Variants in SGO1 observed in about 807,000 individuals in gnomAD.
SGO1 encodes the protein shugoshin 1.
Under a neutral mutation model 50.5 loss-of-function variants are expected in SGO1, and 39 were observed. The observed-to-expected ratio is 0.77, with a 90% CI of 0.60 to 1.01. SGO1 has a LOEUF of 1.01. Among genes scored for constraint, SGO1 ranks in the 50% least tolerant of loss-of-function variants. SGO1 has a pLI of 0.00. For missense variants in SGO1, 638 were observed against 606.0 expected (o/e 1.05, Z -0.55); for synonymous variants, 191 against 205.1 (o/e 0.93, Z 0.59).
intron 6 of SGO1, 116 bp from the exon 7 acceptor site, chr3:20,171,348 AT>A (rs1304634874): frequency 6.0e-4 from 519 of 861,674 alleles, no homozygotes; most frequent in South Asian, 8.1e-4. Flanking sequence ...TAATAATAGA[AT>A]TTTTTTTTAG....
Position 20,186,124 on chromosome 3 carries a change from C to A in SGO1, c.-184G>T, listed in dbSNP as rs1702646831. 6.5e-6 allele frequency: 1 copy of A among 152,680 alleles called. No homozygotes were observed. Among genetic ancestry groups the A allele is most frequent in the Non-Finnish European group, 1.5e-5 (1 of 68,420 alleles). 9.5% of individuals were successfully genotyped at this position (152,680 alleles called of 1,614,324 possible). On this transcript the variant is annotated 5_prime_UTR_variant, in exon 1 of 8. Transcript: ENST00000412997. ...ACATTTCAAGGCTCTTCGAAGCTCT[C>A]CAGCCACGGCTAGCCCCGCGCACTG...
chr3:20,172,945 G>A lies in SGO1; in HGVS notation c.1282+1304C>T, dbSNP rs115462376. ...AGTGCCACTGCCCTCCAGCCGAGGT[G>A]ATAGAGCAAGACCCTGTCTCAATTA... On this transcript the variant is annotated intron_variant, in intron 6 of 7. Coordinates refer to ENST00000412997, the MANE Select transcript of SGO1 (RefSeq NM_001199251.3). 2.5e-3 allele frequency among the ~76,000 whole-genome samples: 380 copies of A among 152,152 alleles called. 1 individual carries two copies. The highest frequency in any genetic ancestry group is 8.9e-3 in the African/African-American group (370 of 41,502).
chr3:20,179,664 A>G (rs1043101914), intron 3 of SGO1, among the ~76,000 whole-genome samples: 6 of 152,060 alleles, frequency 3.9e-5, no homozygotes, highest in African/African-American at 1.4e-4. Flanking sequence ...CCTGGGCTCA[A>G]GCGATCCTCT....
At chr3:20,162,319 A>G (rs1338449547) in intron 8 of SGO1, among the ~76,000 whole-genome samples, 1 of 152,184 alleles carries the variant, frequency 6.6e-6, no homozygotes, top group Non-Finnish European at 1.5e-5. Flanking sequence ...GCCAGAATGG[A>G]TAGACCTTGT....
intron 6 of SGO1, among the ~76,000 whole-genome samples, chr3:20,173,426 C>G (rs1200246341): frequency 6.6e-6 from 1 of 152,156 alleles, no homozygotes; most frequent in Non-Finnish European, 1.5e-5. Flanking sequence ...AGGCGTGAGC[C>G]AACCCGCCCG....
downstream of SGO1, among the ~76,000 whole-genome samples, chr3:20,168,644 GTTT>G (rs1313336484): frequency 3.2e-4 from 41 of 129,444 alleles, no homozygotes; most frequent in African/African-American, 1.1e-3. Flanking sequence ...CTGAGAAACT[GTTT>G]TTTTTTTTTT....
chr3:20,161,287 T>C, intron 8 of SGO1: 1 of 1,412,528 alleles, frequency 7.1e-7, no homozygotes, highest in East Asian at 2.7e-5. Context: ...GTCCACAGAT[T>C]TTATTCAGAA....
intron 3 of SGO1, among the ~76,000 whole-genome samples, chr3:20,180,128 C>T (rs73175211): frequency 0.26 from 39,995 of 151,842 alleles, 5,235 homozygotes; most frequent in African/African-American, 0.27. Flanking sequence ...GAGATGGTCT[C>T]CACAAAAAAG....
At chr3:20,181,707 G>C (rs994712774) in intron 3 of SGO1, among the ~76,000 whole-genome samples, 1 of 152,140 alleles carries the variant, frequency 6.6e-6, no homozygotes, top group Non-Finnish European at 1.5e-5. Flanking sequence ...AATGCCTTTA[G>C]AGGAACTGTT....
chr3:20,174,135 T>C (rs1575209390), intron 6 of SGO1, 114 bp downstream of exon 6: 4 of 830,464 alleles, frequency 4.8e-6, no homozygotes, highest in South Asian at 3.5e-5. Flanking sequence ...GAGAGACAGA[T>C]GGTAAGTCTC....
chr3:20,184,814 T>C (rs1454155070), intron 1 of SGO1, among the ~76,000 whole-genome samples: 2 of 96,298 alleles, frequency 2.1e-5, no homozygotes, highest in African/African-American at 8.1e-5. Flanking sequence ...ATAACTATAC[T>C]TAATCTTTCA....
At chr3:20,182,745 G>A (rs1425800950) in intron 3 of SGO1, among the ~76,000 whole-genome samples, 14 of 152,092 alleles carry the variant, frequency 9.2e-5, no homozygotes, top group Admixed American at 6.5e-4. Context: ...GAGGCCGGGC[G>A]CGGTGGCTCA....
intron 6 of SGO1, 112 bp downstream of exon 6, chr3:20,174,137 G>GT (rs1559357994): frequency 3.5e-6 from 3 of 848,230 alleles, no homozygotes; most frequent in Non-Finnish European, 5.6e-6. Context: ...GAGACAGATG[G>GT]TAAGTCTCCA....
chr3:20,176,600 C>G lies in SGO1; in HGVS notation c.475+1G>C. ...TATTTTTAGATTTTCACTTGAATTA[C>G]CTTCTATTTGAAATGATTCTCCTTG... On this transcript the variant is annotated splice_donor_variant, in intron 5 of 7. Transcript: ENST00000412997. LOFTEE classifies it high-confidence loss of function. 1 of 1,554,392 alleles carries G rather than the reference C, an allele frequency of 6.4e-7. No homozygotes were observed. Among genetic ancestry groups the G allele is most frequent in the East Asian group, 2.3e-5 (1 of 42,574 alleles).
intron 6 of SGO1, among the ~76,000 whole-genome samples, chr3:20,173,971 A>C (rs996025631): frequency 1.3e-5 from 2 of 152,216 alleles, no homozygotes; most frequent in African/African-American, 2.4e-5. Flanking sequence ...CTAAGTCTAC[A>C]AAAAAGTCCC....
At chr3:20,161,756 T>A (rs1700051566) in intron 8 of SGO1, among the ~76,000 whole-genome samples, 1 of 152,178 alleles carries the variant, frequency 6.6e-6, no homozygotes. Flanking sequence ...TAATTTTTCA[T>A]AATAAAAAGC....
At chr3:20,176,554 A>G (rs765473661) in intron 5 of SGO1, 47 bp downstream of exon 5, 1 of 1,137,680 alleles carries the variant, frequency 8.8e-7, no homozygotes, top group East Asian at 2.4e-5. Context: ...GTTCTCAAAG[A>G]CCTTATTTTG....
At chr3:20,180,664 T>C (rs1314918904) in intron 3 of SGO1, among the ~76,000 whole-genome samples, 1 of 152,206 alleles carries the variant, frequency 6.6e-6, no homozygotes, top group African/African-American at 2.4e-5. Flanking sequence ...AACCTAAGTA[T>C]AGAGGTGGAT....
At position 20,183,770 on chromosome 3, in the gene SGO1, G is replaced by C; in HGVS notation, c.177C>G (p.Asp59Glu). 1.2e-6 allele frequency: 2 copies of C among 1,611,724 alleles called. No homozygotes were observed. The highest frequency in any genetic ancestry group is 1.7e-6 in the Non-Finnish European group (2 of 1,179,428). ...NTSTLLKNYQ[D>E]NNKMLVLALE... The stretch of plus-strand genomic sequence containing the variant: ...AAGCTAAAACTAACATTTTGTTGTT[G>C]TCTTGGTAATTTTTCAGCAGTGTAG... The change falls in exon 3 of 8, where the codon GAC (aspartate) becomes GAG (glutamate). Residue 59 changes from aspartate to glutamate, a missense_variant. Transcript: ENST00000412997.
Sources: gnomAD v4.1 joint callset for allele counts (sites outside exome capture counted in the v4.1 genomes callset) on GRCh38, gnomAD v4.1.1 for gene constraint, MANE v1.5 for transcripts, NCBI Gene and HGNC (gene_info 2026-07-23, HGNC 2026-07-21) for gene names.